Variants in CELF2 observed in about 807,000 individuals in gnomAD.
CELF2 encodes CUG triplet repeat RNA-binding protein 2.
In CELF2, 8 loss-of-function variants were observed where a neutral mutation model predicts 62.6. The observed-to-expected ratio is 0.13, with a 90% CI of 0.07 to 0.23. The LOEUF is 0.23. Ranked by LOEUF, CELF2 falls within the 10% of genes least tolerant of loss-of-function variation. The probability of loss-of-function intolerance (pLI) is 1.00; values close to 1 mark genes in which losing one functional copy is unlikely to be tolerated. For missense variants in CELF2, 333 were observed against 671.0 expected (o/e 0.50, Z 5.56); for synonymous variants, 258 against 250.0 (o/e 1.03, Z -0.30).
chr10:10,468,118 A>T, the CELF2 span, among the ~76,000 whole-genome samples: 1 of 152,052 alleles, frequency 6.6e-6, no homozygotes, highest in East Asian at 1.9e-4. Context: ...ATGACTTTCC[A>T]CTGAAACTCT....
chr10:10,706,021 CTT>C, the CELF2 span, among the ~76,000 whole-genome samples: 2 of 152,196 alleles, frequency 1.3e-5, no homozygotes, highest in East Asian at 3.8e-4. Context: ...ACTGAGCTAA[CTT>C]TGAACTATTT....
At chr10:10,716,871 A>AGATGC in the CELF2 span, among the ~76,000 whole-genome samples, 1 of 152,204 alleles carries the variant, frequency 6.6e-6, no homozygotes, top group Admixed American at 6.5e-5. Flanking sequence ...TTGTGCCTAA[A>AGATGC]TTTCATGACC....
chr10:10,636,134 A>C, the CELF2 span, among the ~76,000 whole-genome samples: 1 of 152,200 alleles, frequency 6.6e-6, no homozygotes, highest in Non-Finnish European at 1.5e-5. Context: ...AAAGGTTTTT[A>C]TTTGAATTAT....
intron 3 of CELF2, among the ~76,000 whole-genome samples, chr10:11,232,414 C>G (rs963665650): frequency 2.0e-5 from 3 of 152,182 alleles, no homozygotes; most frequent in African/African-American, 4.8e-5. Flanking sequence ...ACTCGAGTCT[C>G]CTTCACCCGT....
chr10:10,569,149 G>A, the CELF2 span, among the ~76,000 whole-genome samples: 1 of 152,078 alleles, frequency 6.6e-6, no homozygotes, highest in African/African-American at 2.4e-5. Flanking sequence ...CTGGGATTTG[G>A]TAAGTTTATC....
At chr10:11,153,506 G>A (rs983051954) in intron 1 of CELF2, among the ~76,000 whole-genome samples, 5 of 152,054 alleles carry the variant, frequency 3.3e-5, no homozygotes, top group Admixed American at 3.3e-4. Flanking sequence ...TCCTTCAGTA[G>A]CTACAGCTAG....
intron 9 of CELF2, among the ~76,000 whole-genome samples, chr10:11,304,598 C>T (rs546556906): frequency 8.3e-4 from 127 of 152,298 alleles, no homozygotes; most frequent in Middle Eastern, 6.8e-3. Flanking sequence ...TTGCTCAGGA[C>T]GCTCTTCCTC....
At chr10:11,174,181 G>A (rs1565088676) in intron 2 of CELF2, among the ~76,000 whole-genome samples, 1 of 152,142 alleles carries the variant, frequency 6.6e-6, no homozygotes, top group Admixed American at 6.5e-5. Context: ...AGAAAGGAAT[G>A]CAGGAAAAAA....
chr10:10,516,126 AAAAC>A, the CELF2 span, among the ~76,000 whole-genome samples: 1 of 152,174 alleles, frequency 6.6e-6, no homozygotes, highest in African/African-American at 2.4e-5. Flanking sequence ...ACTTGTTGAA[AAAAC>A]AAACAAACAA....
At position 11,237,496 on chromosome 10, in the gene CELF2, A is replaced by G. The variant is rs1244993045; in HGVS notation, c.355-11657A>G. 6.6e-6 allele frequency among the ~76,000 whole-genome samples: 1 copy of G among 152,156 alleles called. No individual in the cohort carries two copies. Among genetic ancestry groups the G allele is most frequent in the African/African-American group, 2.4e-5 (1 of 41,434 alleles). ...CAGGGTGGACAGAGTCGAGCCCTGC[A>G]AAGAGGCTCAGAAGATCCAGGTGAG... On this transcript the variant is annotated intron_variant, in intron 3 of 12. Transcript: ENST00000633077. The surrounding 1 kb of genome is among the most constrained non-coding windows in gnomAD (Gnocchi z 4.0).
At chr10:10,871,741 G>A (rs138159911) in intron 1 of CELF2, among the ~76,000 whole-genome samples, 108 of 152,260 alleles carry the variant, frequency 7.1e-4, no homozygotes, top group African/African-American at 2.5e-3. Context: ...CCAGCAGCAC[G>A]AGGACCCAGG....
At chr10:10,880,347 G>C (rs570138045) in intron 1 of CELF2, among the ~76,000 whole-genome samples, 28 of 152,232 alleles carry the variant, frequency 1.8e-4, no homozygotes, top group African/African-American at 6.7e-4. Context: ...ACTTGCAAGT[G>C]GCTGAAAAGA....
the CELF2 span, among the ~76,000 whole-genome samples, chr10:10,684,245 A>G: frequency 1.3e-5 from 2 of 152,140 alleles, no homozygotes; most frequent in African/African-American, 4.8e-5. Flanking sequence ...TTGCACCACG[A>G]ATTACACTGT....
At chr10:10,796,177 C>T (rs2054129501), upstream of CELF2, among the ~76,000 whole-genome samples, 1 of 152,298 alleles carries the variant, frequency 6.6e-6, no homozygotes, top group Middle Eastern at 3.4e-3. Flanking sequence ...GCCCTGAGAG[C>T]TCAGACCAGT....
intron 3 of CELF2, among the ~76,000 whole-genome samples, chr10:11,228,262 T>G (rs928765274): frequency 6.6e-5 from 10 of 152,240 alleles, no homozygotes; most frequent in Non-Finnish European, 1.5e-4. Context: ...GTGGTAACAG[T>G]TAACAGCTAT....
intron 5 of CELF2, among the ~76,000 whole-genome samples, chr10:11,261,075 AC>A (rs2080394250): frequency 6.6e-6 from 1 of 152,242 alleles, no homozygotes; most frequent in African/African-American, 2.4e-5. Context: ...CTAACACAAA[AC>A]CAGGGTATAC....
At chr10:10,881,283 G>A (rs970391342) in intron 1 of CELF2, among the ~76,000 whole-genome samples, 4 of 152,118 alleles carry the variant, frequency 2.6e-5, no homozygotes, top group Admixed American at 2.0e-4. Context: ...GAGAGACCTC[G>A]CATGTCCAAG....
chr10:10,859,469 AC>A, intron 1 of CELF2, among the ~76,000 whole-genome samples: 1 of 152,258 alleles, frequency 6.6e-6, no homozygotes, highest in South Asian at 2.1e-4. Context: ...GGAAATAGCC[AC>A]CACAGTATGA....
In CELF2 at chr10:11,242,936, G is replaced by T. The variant is rs113208342; in HGVS notation, c.355-6217G>T. Among the ~76,000 whole-genome samples the T allele has an allele frequency of 0.012, 1,891 of 152,314 alleles. 32 individuals carry two copies. Among genetic ancestry groups the T allele is most frequent in the African/African-American group, 0.034 (1,403 of 41,552 alleles). ...CAGGGCGACAGGGACGGAGGCGCCG[G>T]TGGCAACTGGTGCTGGGTCAGAACC... On this transcript the variant is annotated intron_variant, in intron 3 of 12. Coordinates refer to ENST00000633077, the MANE Select transcript of CELF2 (RefSeq NM_001326342.2). The surrounding 1 kb of genome is among the most constrained non-coding windows in gnomAD (Gnocchi z 4.8).
Sources: gnomAD v4.1 joint callset for allele counts (sites outside exome capture counted in the v4.1 genomes callset) on GRCh38, gnomAD v4.1.1 for gene constraint, Gnocchi (gnomAD v3.1) non-coding constraint, MANE v1.5 for transcripts, NCBI Gene and HGNC (gene_info 2026-07-23, HGNC 2026-07-21) for gene names.